The following DLG2 variants were observed in gnomAD, a reference collection of about 807,000 sequenced individuals.
DLG2 encodes discs large MAGUK scaffold protein 2.
Under a neutral mutation model 132.5 loss-of-function variants are expected in DLG2, and 45 were observed. The observed-to-expected ratio is 0.34, with a 90% CI of 0.27 to 0.44. DLG2 has a LOEUF of 0.44. Ranked by LOEUF, DLG2 falls within the 20% of genes least tolerant of loss-of-function variation. The probability of loss-of-function intolerance (pLI) is 1.00; values close to 1 mark genes in which losing one functional copy is unlikely to be tolerated. For synonymous variants in DLG2, 424 were observed against 419.6 expected, an observed-to-expected ratio of 1.01 and a Z score of -0.13; for missense variants, 1,045 against 1,196.9, an observed-to-expected ratio of 0.87 and a Z score of 1.87.
intron 6 of DLG2, among the ~76,000 whole-genome samples, chr11:84,657,026 G>T (rs1237725906): frequency 2.6e-5 from 4 of 151,880 alleles, no homozygotes; most frequent in Non-Finnish European, 5.9e-5. Flanking sequence ...AGTCATTATT[G>T]TCCCCATTTA....
intron 21 of DLG2, among the ~76,000 whole-genome samples, chr11:83,513,379 G>C (rs949943418): frequency 1.5e-4 from 23 of 152,160 alleles, no homozygotes; most frequent in African/African-American, 5.3e-4. Context: ...GGGGTTGTTT[G>C]TTTTATTCTT....
intron 6 of DLG2, among the ~76,000 whole-genome samples, chr11:84,685,967 G>T (rs2099737821): frequency 6.6e-6 from 1 of 152,180 alleles, no homozygotes; most frequent in Admixed American, 6.5e-5. Context: ...GATTACAGGC[G>T]TGAGCCACCG....
chr11:84,128,098 G>A (rs761259887), intron 9 of DLG2, among the ~76,000 whole-genome samples: 2 of 152,068 alleles, frequency 1.3e-5, no homozygotes, highest in South Asian at 2.1e-4. Context: ...GCATAAAATC[G>A]TAGCAGCCAA....
intron 8 of DLG2, among the ~76,000 whole-genome samples, chr11:84,186,567 T>A (rs2096280623): frequency 6.6e-6 from 1 of 151,988 alleles, no homozygotes; most frequent in Non-Finnish European, 1.5e-5. Flanking sequence ...CAGACCTAGA[T>A]CTTTCAGGCT....
intron 4 of DLG2, among the ~76,000 whole-genome samples, chr11:85,208,906 T>C (rs149995351): frequency 6.6e-6 from 1 of 152,028 alleles, no homozygotes; most frequent in Non-Finnish European, 1.5e-5. Context: ...CATTTGTTCT[T>C]GTCCTCAATG....
intron 15 of DLG2, among the ~76,000 whole-genome samples, chr11:83,879,107 AG>A (rs1355269898): frequency 6.6e-6 from 1 of 152,140 alleles, no homozygotes; most frequent in Admixed American, 6.6e-5. Flanking sequence ...GAAATTTTTG[AG>A]CATCTGAATT....
chr11:84,534,498 C>G, intron 7 of DLG2, 72 bp downstream of exon 7: 1 of 1,481,358 alleles, frequency 6.8e-7, no homozygotes, highest in Non-Finnish European at 9.4e-7. Context: ...ATCGGGCCAG[C>G]AAACATCTCC....
intron 6 of DLG2, among the ~76,000 whole-genome samples, chr11:84,751,314 G>T (rs1197410905): frequency 6.6e-6 from 1 of 152,080 alleles, no homozygotes; most frequent in Admixed American, 6.6e-5. Flanking sequence ...AATATGAGGT[G>T]CATATATCAC....
intron 14 of DLG2, among the ~76,000 whole-genome samples, chr11:83,954,061 T>C (rs2086186561): frequency 6.6e-6 from 1 of 152,244 alleles, no homozygotes; most frequent in Non-Finnish European, 1.5e-5. Context: ...CATAAAATTA[T>C]AGAGCATAGT....
chr11:84,031,925 A>G (rs1304985894), intron 11 of DLG2, among the ~76,000 whole-genome samples: 1 of 152,174 alleles, frequency 6.6e-6, no homozygotes, highest in East Asian at 1.9e-4. Flanking sequence ...TGATTATTAT[A>G]TCTGATATAG....
chr11:84,858,687 G>T (rs1414986674), intron 6 of DLG2, among the ~76,000 whole-genome samples: 1 of 151,970 alleles, frequency 6.6e-6, no homozygotes, highest in African/African-American at 2.4e-5. Flanking sequence ...AATTACTTGA[G>T]ACAAGTACTC....
chr11:85,413,495 G>C (rs1374188910), intron 3 of DLG2, among the ~76,000 whole-genome samples: 2 of 151,912 alleles, frequency 1.3e-5, no homozygotes, highest in Middle Eastern at 3.4e-3. Flanking sequence ...ATGTCTAGAA[G>C]GATTTTTTTG....
At chr11:83,893,404 A>C (rs530263064) in intron 15 of DLG2, among the ~76,000 whole-genome samples, 7 of 151,884 alleles carry the variant, frequency 4.6e-5, no homozygotes, top group Middle Eastern at 3.4e-3. Context: ...TCTGTCTATC[A>C]CTCCCTAACC....
Position 83,532,779 on chromosome 11 carries a change from C to A in DLG2, c.2122G>T (p.Glu708Ter). ...TTCAATCGGGCACGTTCCTTTCTTTCCACCCTAAAGCAAATTGAGAATAAA... is the reference window on the plus strand; with the variant it reads ...TTCAATCGGGCACGTTCCTTTCTTTACACCCTAAAGCAAATTGAGAATAAA... ...MGVIPSKRRV[E>*]RKERARLKTV... The change falls in exon 21 of 28, where the codon GAA (glutamate) becomes TAA (stop). Residue 708 changes from glutamate to a stop codon, truncating the protein, a stop_gained. Coordinates refer to ENST00000376104, the MANE Select transcript of DLG2 (RefSeq NM_001142699.3). LOFTEE classifies it high-confidence loss of function. The A allele has an allele frequency of 6.2e-7, 1 of 1,612,378 alleles. No individual in the cohort carries two copies. The highest frequency in any genetic ancestry group is 8.5e-7 in the Non-Finnish European group (1 of 1,179,014).
At chr11:83,463,216 A>G (rs2090370175) in intron 26 of DLG2, among the ~76,000 whole-genome samples, 1 of 151,984 alleles carries the variant, frequency 6.6e-6, no homozygotes, top group Admixed American at 6.6e-5. Flanking sequence ...TAGACTTCCT[A>G]TTATACCAAG....
intron 6 of DLG2, among the ~76,000 whole-genome samples, chr11:84,738,675 T>A (rs2064187261): frequency 6.6e-6 from 1 of 152,168 alleles, no homozygotes; most frequent in African/African-American, 2.4e-5. Context: ...CCTACATTGC[T>A]GGTGGGAATG....
intron 7 of DLG2, among the ~76,000 whole-genome samples, chr11:84,514,754 C>T (rs2099267584): frequency 6.6e-6 from 1 of 151,772 alleles, no homozygotes; most frequent in African/African-American, 2.4e-5. Flanking sequence ...TGTTTGACAG[C>T]ACATCAGGGG....
chr11:85,079,407 A>C (rs570830273), intron 6 of DLG2, among the ~76,000 whole-genome samples: 2 of 152,020 alleles, frequency 1.3e-5, no homozygotes, highest in African/African-American at 4.8e-5. Context: ...CATGGCCTGA[A>C]CTCATGTTTA....
At chr11:83,992,865 A>T (rs141822629) in intron 11 of DLG2, among the ~76,000 whole-genome samples, 129 of 152,286 alleles carry the variant, frequency 8.5e-4, no homozygotes, top group African/African-American at 2.8e-3. Flanking sequence ...ATGATCATCA[A>T]CCAAGAATGA....
Sources: gnomAD v4.1 joint callset for allele counts (sites outside exome capture counted in the v4.1 genomes callset) on GRCh38, gnomAD v4.1.1 for gene constraint, MANE v1.5 for transcripts, NCBI Gene and HGNC (gene_info 2026-07-23, HGNC 2026-07-21) for gene names.